Variants in RIT2 observed in about 807,000 individuals in gnomAD.
RIT2 encodes the protein Ras like without CAAX 2.
RIT2 carries 24 observed loss-of-function variants against 23.7 expected under a neutral mutation model. The ratio of observed to expected loss-of-function variants is 1.01; its 90% CI spans 0.73 to 1.43. The LOEUF (loss-of-function observed/expected upper bound fraction) is 1.43. Among genes scored for constraint, RIT2 ranks in the 40% most tolerant of loss-of-function variants. RIT2 has a pLI of 0.00. For missense variants in RIT2, 236 were observed against 266.9 expected (o/e 0.88, Z 0.81); for synonymous variants, 107 against 91.1 (o/e 1.17, Z -0.99).
intron 4 of RIT2, among the ~76,000 whole-genome samples, chr18:42,790,323 G>A (rs1420807759): frequency 6.6e-6 from 1 of 152,146 alleles, no homozygotes; most frequent in Non-Finnish European, 1.5e-5. Context: ...GGATCAATAT[G>A]CATCTTTGCC....
chr18:42,818,849 T>G (rs1056901861), intron 4 of RIT2, among the ~76,000 whole-genome samples: 2 of 152,042 alleles, frequency 1.3e-5, no homozygotes, highest in Non-Finnish European at 2.9e-5. Flanking sequence ...CAGTTAGAAT[T>G]GATCTAGGTA....
chr18:42,862,123 A>C (rs1189360995), intron 4 of RIT2, among the ~76,000 whole-genome samples: 2 of 152,130 alleles, frequency 1.3e-5, no homozygotes, highest in Admixed American at 1.3e-4. Context: ...AATTCATCTC[A>C]AATTGCAATC....
intron 4 of RIT2, among the ~76,000 whole-genome samples, chr18:42,841,392 AATG>A (rs2144024220): frequency 6.6e-6 from 1 of 152,290 alleles, no homozygotes; most frequent in East Asian, 1.9e-4. Flanking sequence ...AAAATCATAA[AATG>A]TTACTGCTTT....
chr18:42,928,516 C>A, intron 3 of RIT2, among the ~76,000 whole-genome samples: 1 of 152,050 alleles, frequency 6.6e-6, no homozygotes, highest in East Asian at 1.9e-4. Flanking sequence ...CATCTAAGAC[C>A]TGCTTACCCT....
intron 4 of RIT2, among the ~76,000 whole-genome samples, chr18:42,744,931 T>C (rs532582988): frequency 2.0e-5 from 3 of 152,242 alleles, no homozygotes; most frequent in South Asian, 2.1e-4. Flanking sequence ...TCTCTAGAAA[T>C]CATAAACTGA....
intron 1 of RIT2, among the ~76,000 whole-genome samples, chr18:43,053,604 C>T (rs755657603): frequency 6.6e-6 from 1 of 151,898 alleles, no homozygotes; most frequent in Non-Finnish European, 1.5e-5. Context: ...GAGGAAGGGA[C>T]TCAATATTTT....
intron 4 of RIT2, among the ~76,000 whole-genome samples, chr18:42,867,426 G>A (rs554082667): frequency 2.7e-4 from 41 of 152,028 alleles, no homozygotes; most frequent in Admixed American, 9.8e-4. Flanking sequence ...GAATCCAGTC[G>A]CAATATACTC....
Position 42,949,118 on chromosome 18 carries a change from C to A in RIT2, c.234+24956G>T, listed in dbSNP as rs368167968. Reference sequence around the variant, plus strand: ...CTTGGAGCTCTAATTAGATGCCCTGCCACATAGACCATGGCTTCCAAGCCA... The same window carrying A: ...CTTGGAGCTCTAATTAGATGCCCTGACACATAGACCATGGCTTCCAAGCCA... On this transcript the variant is annotated intron_variant, in intron 3 of 4. Transcript: ENST00000326695. 1.5e-4 allele frequency: 59 copies of A among 396,984 alleles called. No individual in the cohort carries two copies. The East Asian group carries it at 2.0e-3, about 14-fold the overall frequency. 24.6% of individuals were successfully genotyped at this position (396,984 alleles called of 1,614,324 possible). A position where few individuals can be genotyped will look rare whatever the true frequency, so the allele number is the denominator to read the frequency against.
At chr18:42,962,309 A>T (rs1275494389) in intron 3 of RIT2, among the ~76,000 whole-genome samples, 1 of 152,222 alleles carries the variant, frequency 6.6e-6, no homozygotes, top group African/African-American at 2.4e-5. Context: ...AATTTTAAAA[A>T]CGGGAAGAGG....
intron 4 of RIT2, among the ~76,000 whole-genome samples, chr18:42,749,230 C>G (rs1912988734): frequency 6.6e-6 from 1 of 151,702 alleles, no homozygotes; most frequent in South Asian, 2.1e-4. Flanking sequence ...GTCAATAGGT[C>G]AAAGAAGAAA....
chr18:42,805,527 TATTATATTAC>T (rs953490150), intron 4 of RIT2, among the ~76,000 whole-genome samples: 3 of 152,224 alleles, frequency 2.0e-5, no homozygotes, highest in Non-Finnish European at 4.4e-5. Context: ...AAATGTCATA[TATTATATTAC>T]ATTTAAATTT....
chr18:43,095,272 T>G (rs1913525289), intron 1 of RIT2, among the ~76,000 whole-genome samples: 1 of 152,114 alleles, frequency 6.6e-6, no homozygotes. Context: ...CGTGAGATGT[T>G]ATCTCATTGT....
chr18:42,844,223 C>G (rs1428787961), intron 4 of RIT2, among the ~76,000 whole-genome samples: 1 of 152,152 alleles, frequency 6.6e-6, no homozygotes, highest in African/African-American at 2.4e-5. Context: ...TGTTATAATG[C>G]TCTCTTAGCT....
intron 4 of RIT2, among the ~76,000 whole-genome samples, chr18:42,759,417 A>G (rs1183498287): frequency 6.6e-6 from 1 of 152,170 alleles, no homozygotes; most frequent in African/African-American, 2.4e-5. Flanking sequence ...AATTTCCAAG[A>G]TAATATAGTT....
At chr18:42,868,747 G>A (rs562224950) in intron 4 of RIT2, among the ~76,000 whole-genome samples, 2 of 152,254 alleles carry the variant, frequency 1.3e-5, no homozygotes, top group East Asian at 3.9e-4. Context: ...AGATGATCAG[G>A]CACAAGAATG....
chr18:42,796,192 A>C (rs2143954569), intron 4 of RIT2, among the ~76,000 whole-genome samples: 1 of 152,268 alleles, frequency 6.6e-6, no homozygotes, highest in Middle Eastern at 3.4e-3. Flanking sequence ...GAAGGTCTGC[A>C]GCTTCACTCC....
intron 4 of RIT2, among the ~76,000 whole-genome samples, chr18:42,833,433 C>T (rs989898792): frequency 3.9e-5 from 6 of 152,096 alleles, no homozygotes; most frequent in African/African-American, 1.4e-4. Flanking sequence ...TGTGAATAGT[C>T]TTCCAATAAA....
At chr18:43,098,137 C>A (rs997557883) in intron 1 of RIT2, among the ~76,000 whole-genome samples, 1 of 151,922 alleles carries the variant, frequency 6.6e-6, no homozygotes, top group Admixed American at 6.6e-5. Context: ...GAAGCTATAA[C>A]CTGGTTCCTT....
chr18:42,780,899 T>C (rs890455307), intron 4 of RIT2, among the ~76,000 whole-genome samples: 4 of 151,918 alleles, frequency 2.6e-5, no homozygotes, highest in Admixed American at 6.6e-5. Flanking sequence ...TTATTTTTGG[T>C]TCACACATTC....
Sources: gnomAD v4.1 joint callset for allele counts (sites outside exome capture counted in the v4.1 genomes callset) on GRCh38, gnomAD v4.1.1 for gene constraint, MANE v1.5 for transcripts, NCBI Gene and HGNC (gene_info 2026-07-23, HGNC 2026-07-21) for gene names.